The following ACSL6 variants were observed in gnomAD, a reference collection of about 807,000 sequenced individuals.
The protein encoded by ACSL6 is long-chain-fatty-acid--CoA ligase 6.
In ACSL6, 47 loss-of-function variants were observed where a neutral mutation model predicts 98.2. That is an observed-to-expected ratio of 0.48 (90% CI 0.38 to 0.61). The LOEUF is 0.61. Among genes scored for constraint, ACSL6 ranks in the 20% least tolerant of loss-of-function variants. ACSL6 has a pLI of 0.00. For synonymous variants in ACSL6, 362 were observed against 336.9 expected, an observed-to-expected ratio of 1.07 and a Z score of -0.82; for missense variants, 761 against 913.4, an observed-to-expected ratio of 0.83 and a Z score of 2.15.
intron 20 of ACSL6, among the ~76,000 whole-genome samples, chr5:131,956,799 G>A (rs1752431629): frequency 6.6e-6 from 1 of 152,016 alleles, no homozygotes; most frequent in Non-Finnish European, 1.5e-5. Context: ...TTAAAAAAAG[G>A]TATGAGAGTC....
intron 9 of ACSL6, 80 bp from the exon 10 acceptor site, chr5:131,976,801 C>A (rs1175681424): frequency 8.5e-7 from 1 of 1,169,614 alleles, no homozygotes; most frequent in African/African-American, 1.5e-5. Context: ...GTTGGCAGTC[C>A]CAGACACCCA....
chr5:131,989,257 C>A (rs1008406030), intron 5 of ACSL6, 150 bp downstream of exon 5: 12 of 763,296 alleles, frequency 1.6e-5, no homozygotes, highest in African/African-American at 5.2e-5. Flanking sequence ...AGGGGCAGAG[C>A]CAGGGTGGGA....
rs1240349624 is a variant in ACSL6, at chr5:131,970,134, T to C, written c.1501A>G (p.Thr501Ala). ...GCTFTTPGDW[T>A]SGHVGAPLPC... ...TATCTCTAGCCCATCCTACCTGAGG[T>C]CCAGTCGCCAGGAGTGGTGAAGGTA... is the stretch of plus-strand genomic sequence containing the variant. Residue 501 changes from threonine (T) to alanine (A), a missense_variant, in exon 15 of 21, where the codon ACC (threonine) becomes GCC (alanine). Physicochemically the swap from Thr to Ala is moderately conservative, Grantham distance 58 (BLOSUM62 0). Coordinates refer to ENST00000651883, the MANE Select transcript of ACSL6 (RefSeq NM_001009185.3). 3.7e-6 allele frequency: 6 copies of C among 1,614,054 alleles called. No individual in the cohort carries two copies. Among genetic ancestry groups the C allele is most frequent in the Non-Finnish European group, 5.1e-6 (6 of 1,180,002 alleles).
rs766487192 is a variant in ACSL6, at chr5:131,962,565, C to T, written c.1827G>A (p.Ala609=). 57 of 1,613,912 alleles carry T rather than the reference C, an allele frequency of 3.5e-5. No individual in the cohort carries two copies. The East Asian group carries it at 5.1e-4, about 15-fold the overall frequency. ...ENIYIRSQPV[A]QIYVHGDSLK... Reference sequence around the variant, plus strand: ...AGCTGTCCCCATGGACATAGATTTGCGCCACAGGTTGGCTCCGGATGTAGA... The same window carrying T: ...AGCTGTCCCCATGGACATAGATTTGTGCCACAGGTTGGCTCCGGATGTAGA... Residue 609 remains alanine (A), a synonymous_variant, in exon 18 of 21, where the codon GCG becomes GCA. Coordinates refer to ENST00000651883, the MANE Select transcript of ACSL6 (RefSeq NM_001009185.3).
intron 17 of ACSL6, among the ~76,000 whole-genome samples, chr5:131,965,991 C>T (rs1561779510): frequency 2.0e-5 from 3 of 152,192 alleles, no homozygotes; most frequent in Admixed American, 6.5e-5. Context: ...GGCATTCTCC[C>T]TCCTGTCTCC....
intron 1 of ACSL6, chr5:132,006,830 C>G (rs934316702): frequency 6.6e-6 from 1 of 152,188 alleles, no homozygotes; most frequent in Non-Finnish European, 1.5e-5. Flanking sequence ...ACACAGGGTT[C>G]TCCAGTGAAG....
Position 131,998,700 on chromosome 5 carries a change from C to T in ACSL6, c.50-4449G>A, listed in dbSNP as rs185892757. Among the ~76,000 whole-genome samples, 6 of 152,318 alleles carry T rather than the reference C, an allele frequency of 3.9e-5. No individual in the cohort carries two copies. The East Asian group carries it at 9.7e-4, about 25-fold the overall frequency. Reference sequence around the variant, plus strand: ...CCCCAACGGCCCCAGGCCTGACAGCCACCACCAACCACAGCCCAGACTCCC... The same window carrying T: ...CCCCAACGGCCCCAGGCCTGACAGCTACCACCAACCACAGCCCAGACTCCC... On this transcript the variant is annotated intron_variant, in intron 1 of 20. Coordinates refer to ENST00000651883, the MANE Select transcript of ACSL6 (RefSeq NM_001009185.3).
rs1355226831 is a variant in ACSL6 at position 131,990,156 on chromosome 5, G to A, written c.394C>T (p.Pro132Ser). 3 of 1,613,994 alleles carry A rather than the reference G, an allele frequency of 1.9e-6. No individual in the cohort carries two copies. Among genetic ancestry groups the A allele is most frequent in the South Asian group, 2.2e-5 (2 of 91,054 alleles). Residue 132 changes from proline to serine, a missense_variant, in exon 4 of 21, where the codon CCC becomes TCC. Transcript: ENST00000651883. ...RRGLSISGNG[P>S]CLGFRKPKQP... ...TTAGGCTTCCTGAAACCAAGACAGGGCCCATTCCCTGTAGAGAGATAAGAA... is the reference window on the plus strand; with the variant it reads ...TTAGGCTTCCTGAAACCAAGACAGGACCCATTCCCTGTAGAGAGATAAGAA...
At chr5:131,975,587 C>T (rs981293687) in intron 10 of ACSL6, 10 of 912,474 alleles carry the variant, frequency 1.1e-5, no homozygotes, top group Non-Finnish European at 1.3e-5. Flanking sequence ...ACTGGCTGAG[C>T]CTGGCCTCAC....
intron 4 of ACSL6, 120 bp from the exon 5 acceptor site, chr5:131,989,628 A>C (rs1220881819): frequency 1.3e-5 from 9 of 700,576 alleles, no homozygotes; most frequent in South Asian, 3.9e-5. Flanking sequence ...TGGAGTCTCG[A>C]TCTATCACCC....
rs189364085 is a variant in ACSL6 at position 131,970,432 on chromosome 5, C to T, written c.1435-232G>A. ...TGCTATTTTTTTTTTTTTTTTGAGA[C>T]GGAGTCTCACTCTGTCGCCCAGGCT... is the stretch of plus-strand genomic sequence containing the variant. On this transcript the variant is annotated intron_variant, in intron 14 of 20. Transcript: ENST00000651883. Among the ~76,000 whole-genome samples the T allele has an allele frequency of 3.9e-3, 580 of 147,684 alleles. 1 individual carries two copies. Among genetic ancestry groups the T allele is most frequent in the African/African-American group, 0.014 (543 of 39,956 alleles).
chr5:131,980,706 G>A (rs1753844408), intron 9 of ACSL6, among the ~76,000 whole-genome samples: 1 of 152,042 alleles, frequency 6.6e-6, no homozygotes, highest in African/African-American at 2.4e-5. Context: ...ACTTTCATAT[G>A]ACTCCAGACC....
At position 131,950,095 on chromosome 5, in the gene ACSL6, A is replaced by G. The variant is rs1262838083; in HGVS notation, c.*4139T>C. ...AATTACAGTTAAGATACTTTTATGCATATTTAAAAAGTAATATTTTAATCC... is the reference window on the plus strand; with the variant it reads ...AATTACAGTTAAGATACTTTTATGCGTATTTAAAAAGTAATATTTTAATCC... On this transcript the variant is annotated 3_prime_UTR_variant, in exon 21 of 21. Coordinates refer to ENST00000651883, the MANE Select transcript of ACSL6 (RefSeq NM_001009185.3). The G allele has an allele frequency of 5.5e-6, 1 of 183,428 alleles. No individual in the cohort carries two copies. Among genetic ancestry groups the G allele is most frequent in the Non-Finnish European group, 1.2e-5 (1 of 86,306 alleles). The allele number at this position is 183,428 out of a possible 1,614,324, so 11.4% of individuals were successfully genotyped here.
intron 1 of ACSL6, among the ~76,000 whole-genome samples, chr5:131,999,874 G>A (rs1754989940): frequency 6.6e-6 from 1 of 152,178 alleles, no homozygotes; most frequent in South Asian, 2.1e-4. Flanking sequence ...CACCCTGTTT[G>A]CAGTTCTGAA....
intron 20 of ACSL6, among the ~76,000 whole-genome samples, chr5:131,958,412 T>G (rs1348684416): frequency 6.6e-6 from 1 of 152,240 alleles, no homozygotes; most frequent in Non-Finnish European, 1.5e-5. Flanking sequence ...TCAGTTCATA[T>G]GCCAAAATTG....
chr5:131,970,615 T>C (rs966202825), intron 14 of ACSL6, among the ~76,000 whole-genome samples: 8 of 152,044 alleles, frequency 5.3e-5, no homozygotes, highest in African/African-American at 1.9e-4. Context: ...TTCATCGTGT[T>C]AGCCAGGATG....
At position 131,990,178 on chromosome 5, in the gene ACSL6, A is replaced by G; in HGVS notation, c.386-14T>C. The stretch of plus-strand genomic sequence containing the variant: ...AGGGCCCATTCCCTGTAGAGAGATA[A>G]GAAAGCCTTGTGTCAGAGAGGGGTC... On this transcript the variant is annotated splice_polypyrimidine_tract_variant and intron_variant, in intron 3 of 20. Transcript: ENST00000651883. The G allele has an allele frequency of 1.9e-6, 3 of 1,613,832 alleles. No homozygotes were observed. Among genetic ancestry groups the G allele is most frequent in the African/African-American group, 1.3e-5 (1 of 75,048 alleles).
At chr5:131,957,030 G>C (rs534835783) in intron 20 of ACSL6, among the ~76,000 whole-genome samples, 9 of 152,070 alleles carry the variant, frequency 5.9e-5, no homozygotes, top group Non-Finnish European at 2.9e-5. Flanking sequence ...CCTCAAAATT[G>C]TCCATTTATG....
chr5:131,991,092 G>C, intron 2 of ACSL6, 125 bp from the exon 3 acceptor site: 1 of 735,236 alleles, frequency 1.4e-6, no homozygotes, highest in Non-Finnish European at 2.3e-6. Context: ...TAGCACCGTG[G>C]CATCTGTGTG....
Sources: allele counts gnomAD v4.1 joint callset (sites outside exome capture counted in the v4.1 genomes callset), GRCh38; gene constraint gnomAD v4.1.1; transcripts MANE v1.5; gene names NCBI Gene and HGNC (gene_info 2026-07-23, HGNC 2026-07-21).